ERCC1: variants seen among roughly 807,000 people sequenced by gnomAD.
ERCC1 encodes ERCC excision repair 1, endonuclease non-catalytic subunit, also known as DNA excision repair protein ERCC-1.
In ERCC1, 36 loss-of-function variants were observed where a neutral mutation model predicts 37.6. The observed-to-expected ratio is 0.96, with a 90% CI of 0.73 to 1.26. ERCC1 has a LOEUF of 1.26. Ranked by LOEUF, ERCC1 falls within the 50% of genes most tolerant of loss-of-function variation. The pLI, the probability that ERCC1 is intolerant of heterozygous loss-of-function variation, is 0.00. For missense variants in ERCC1, 349 were observed against 376.5 expected (o/e 0.93, Z 0.60); for synonymous variants, 156 against 162.1 (o/e 0.96, Z 0.28).
rs1599795507 is a variant in ERCC1 at position 45,409,486 on chromosome 19, G to A, written c.*189C>T. The A allele has an allele frequency of 6.2e-7, 1 of 1,608,350 alleles. No individual in the cohort carries two copies. On this transcript the variant is annotated 3_prime_UTR_variant, in exon 10 of 10. Coordinates refer to ENST00000300853, the MANE Select transcript of ERCC1 (RefSeq NM_001983.4). ...GGGACAAGAAGCGGAAGCAGCAGCA[G>A]CAGCAGCCTGTGTAGTCTGCCCCCG...
chr19:45,448,194 C>G (rs1011694383), intron 1 of ERCC1, among the ~76,000 whole-genome samples: 3 of 152,160 alleles, frequency 2.0e-5, no homozygotes, highest in Non-Finnish European at 4.4e-5. Context: ...GATTCTGACC[C>G]ACAGCTTGTG....
In ERCC1 at chr19:45,419,065, G is replaced by A. The variant is rs3212961; in HGVS notation, c.525+33C>T. On this transcript the variant is annotated intron_variant, in intron 5 of 9. Coordinates refer to ENST00000300853, the MANE Select transcript of ERCC1 (RefSeq NM_001983.4). ...AGCCCACTGCACAACCTCAAAGCCC[G>A]GTGAGGCTGGCTAGGGAGCAGCCCC... is the stretch of plus-strand genomic sequence containing the variant. 126 of 1,451,772 alleles carry A rather than the reference G, an allele frequency of 8.7e-5. 4 individuals carry two copies. In the South Asian group the frequency reaches 1.4e-3, roughly 16 times the overall value. The allele number at this position is 1,451,772 out of a possible 1,614,324, so 89.9% of individuals were successfully genotyped here. A position where few individuals can be genotyped will look rare whatever the true frequency, so the allele number is the denominator to read the frequency against.
upstream of ERCC1, among the ~76,000 whole-genome samples, chr19:45,427,926 C>G (rs908019964): frequency 5.9e-5 from 9 of 152,154 alleles, no homozygotes; most frequent in Non-Finnish European, 1.0e-4. Flanking sequence ...GTAAAGGGCC[C>G]GCCGCCTGCG....
intron 1 of ERCC1, chr19:45,450,873 G>A (rs1472611159): frequency 1.5e-5 from 2 of 134,284 alleles, no homozygotes; most frequent in East Asian, 2.4e-4. Context: ...CGCGGCCGCC[G>A]TCTCCGTGCG....
At chr19:45,443,141 C>T (rs4803823) in intron 1 of ERCC1, among the ~76,000 whole-genome samples, 35,811 of 151,888 alleles carry the variant, frequency 0.24, 4,454 homozygotes, top group Admixed American at 0.32. Flanking sequence ...GGAGGGGTCT[C>T]CCAGCTGCCT....
At chr19:45,417,031 A>T in intron 5 of ERCC1, 134 bp from the exon 6 acceptor site, 1 of 701,178 alleles carries the variant, frequency 1.4e-6, no homozygotes, top group Non-Finnish European at 2.6e-6. Context: ...CGGGAGGCAG[A>T]CGTTGCAGTG....
At chr19:45,411,781 G>A (rs987532675) in intron 9 of ERCC1, among the ~76,000 whole-genome samples, 88 of 151,966 alleles carry the variant, frequency 5.8e-4, no homozygotes, top group Middle Eastern at 6.8e-3. Flanking sequence ...GCAACAGAGT[G>A]AGACTCCATC....
At position 45,421,287 on chromosome 19, in the gene ERCC1, C is replaced by A. The variant is rs757285094; in HGVS notation, c.212G>T (p.Gly71Val). 1.2e-6 allele frequency: 2 copies of A among 1,614,086 alleles called. No individual in the cohort carries two copies. The highest frequency in any genetic ancestry group is 3.3e-5 in the Admixed American group (2 of 60,014). Residue 71 changes from glycine (G) to valine (V), a missense_variant, in exon 3 of 10, where the codon GGG becomes GTG. Gly to Val is a moderately radical substitution (Grantham distance 109, BLOSUM62 -3). Transcript: ENST00000300853. The part of the protein sequence containing the change: ...AEYAISQPLE[G>V]AGATCPTGSE... ...CCCTGTGGGGCACGTGGCCCCAGCC[C>A]CTTCCAGAGGCTGTGAGATGGCATA... is the stretch of plus-strand genomic sequence containing the variant.
chr19:45,428,859 T>A (rs983360968), upstream of ERCC1: 2 of 144,366 alleles, frequency 1.4e-5, no homozygotes, highest in African/African-American at 5.2e-5. Context: ...GGGGCCCGAG[T>A]GGAGGGGGGC....
At chr19:45,415,834 T>G in intron 6 of ERCC1, 1 of 455,324 alleles carries the variant, frequency 2.2e-6, no homozygotes, top group South Asian at 1.6e-5. Flanking sequence ...TGGGCCTGTT[T>G]CCTCACTGTA....
chr19:45,418,042 C>A (rs1182730895), intron 5 of ERCC1, among the ~76,000 whole-genome samples: 1 of 151,786 alleles, frequency 6.6e-6, no homozygotes, highest in African/African-American at 2.4e-5. Flanking sequence ...GACTGGGTAA[C>A]ATAGCAAGAC....
In ERCC1 at chr19:45,408,025, G is replaced by T; in HGVS notation, c.*1650C>A. 7.1e-7 allele frequency: 1 copy of T among 1,415,352 alleles called. No homozygotes were observed. Among genetic ancestry groups the T allele is most frequent in the Non-Finnish European group, 9.4e-7 (1 of 1,063,430 alleles). The allele number at this position is 1,415,352 out of a possible 1,614,324, so 87.7% of individuals were successfully genotyped here. ...GCCGAGATCATGCCACTGCACTCCA[G>T]CCTAGGCAACAGAGCAAGACTCTCT... On this transcript the variant is annotated 3_prime_UTR_variant, in exon 10 of 10. Transcript: ENST00000300853.
intron 1 of ERCC1, among the ~76,000 whole-genome samples, chr19:45,438,266 C>T (rs181476362): frequency 3.7e-4 from 56 of 152,188 alleles, no homozygotes; most frequent in Non-Finnish European, 7.8e-4. Context: ...TGGCATCTCA[C>T]TACATTGCCC....
At chr19:45,424,041 G>A (rs1023848850), upstream of ERCC1, 3 of 1,046,822 alleles carry the variant, frequency 2.9e-6, no homozygotes, top group Non-Finnish European at 3.5e-6. Context: ...TGAGGATCTG[G>A]CTCCCAAACT....
intron 1 of ERCC1, among the ~76,000 whole-genome samples, chr19:45,447,268 TTC>T (rs1469930473): frequency 1.4e-5 from 2 of 138,310 alleles, no homozygotes; most frequent in Non-Finnish European, 3.0e-5. Flanking sequence ...ACAGATTTGC[TTC>T]TTTTTTTTTT....
At chr19:45,430,080 A>C (rs915566694) in intron 1 of ERCC1, among the ~76,000 whole-genome samples, 10 of 152,140 alleles carry the variant, frequency 6.6e-5, no homozygotes, top group Non-Finnish European at 1.5e-4. Context: ...CACCGCGTCC[A>C]GCCGGAGCAA....
chr19:45,413,234 G>A (rs533852756), intron 9 of ERCC1, among the ~76,000 whole-genome samples: 1 of 152,196 alleles, frequency 6.6e-6, no homozygotes, highest in Non-Finnish European at 1.5e-5. Flanking sequence ...TTTTGTATAT[G>A]GCGAGAGATA....
intron 1 of ERCC1, chr19:45,450,547 A>G (rs1404488362): frequency 1.3e-5 from 2 of 152,364 alleles, no homozygotes; most frequent in Non-Finnish European, 2.9e-5. Flanking sequence ...AGGCGGGTGG[A>G]TCAACTGAGT....
intron 1 of ERCC1, among the ~76,000 whole-genome samples, chr19:45,441,172 C>G (rs894092431): frequency 6.6e-6 from 1 of 152,236 alleles, no homozygotes; most frequent in African/African-American, 2.4e-5. Flanking sequence ...AGGGCCTCCC[C>G]ATTTCCATAT....
Sources: gnomAD v4.1 joint callset for allele counts (sites outside exome capture counted in the v4.1 genomes callset) on GRCh38, gnomAD v4.1.1 for gene constraint, MANE v1.5 for transcripts, NCBI Gene and HGNC (gene_info 2026-07-23, HGNC 2026-07-21) for gene names.